SLIT3: variants seen among roughly 807,000 people sequenced by gnomAD.
SLIT3 encodes slit guidance ligand 3, also known as slit homolog 3 protein.
In SLIT3, 68 loss-of-function variants were observed where a neutral mutation model predicts 184.0. The ratio of observed to expected loss-of-function variants is 0.37; its 90% CI spans 0.30 to 0.45. The LOEUF is 0.45. Ranked by LOEUF, SLIT3 falls within the 20% of genes least tolerant of loss-of-function variation. SLIT3 has a pLI of 1.00. For missense variants in SLIT3, 1,707 were observed against 2,026.0 expected, an observed-to-expected ratio of 0.84 and a Z score of 3.02; for synonymous variants, 831 against 828.6, an observed-to-expected ratio of 1.00 and a Z score of -0.05.
At chr5:168,861,473 T>C (rs866439438) in intron 5 of SLIT3, among the ~76,000 whole-genome samples, 7 of 130,698 alleles carry the variant, frequency 5.4e-5, no homozygotes, top group African/African-American at 1.8e-4. Flanking sequence ...AGTAGAGGAA[T>C]TGCATGCTAG....
chr5:168,919,259 CAAAA>C (rs372846427), intron 4 of SLIT3, among the ~76,000 whole-genome samples: 1 of 87,766 alleles, frequency 1.1e-5, no homozygotes. Context: ...GACTCCATCT[CAAAA>C]AAAAAAAAAA....
At chr5:168,764,144 C>G (rs916861084) in intron 14 of SLIT3, among the ~76,000 whole-genome samples, 8 of 152,158 alleles carry the variant, frequency 5.3e-5, no homozygotes. Flanking sequence ...TGGAGAGCCT[C>G]AGGAGTGGTA....
At chr5:168,715,356 C>T (rs959392465) in intron 23 of SLIT3, among the ~76,000 whole-genome samples, 3 of 152,242 alleles carry the variant, frequency 2.0e-5, no homozygotes, top group African/African-American at 7.2e-5. Context: ...CTGTTTTCTA[C>T]TGGGGGTTAC....
chr5:168,808,238 T>C (rs1757043172), intron 8 of SLIT3, among the ~76,000 whole-genome samples: 1 of 152,132 alleles, frequency 6.6e-6, no homozygotes. Flanking sequence ...GTGGTGATGC[T>C]GGCCTTGTTC....
intron 14 of SLIT3, among the ~76,000 whole-genome samples, chr5:168,767,085 T>C (rs17634871): frequency 0.071 from 10,833 of 152,264 alleles, 506 homozygotes; most frequent in Non-Finnish European, 0.1. Flanking sequence ...AGTGGGACTT[T>C]AGATTTTGTG....
chr5:168,669,765 C>G lies in SLIT3; in HGVS notation c.4336+18G>C. On this transcript the variant is annotated intron_variant, in intron 35 of 35. Coordinates refer to ENST00000519560, the MANE Select transcript of SLIT3 (RefSeq NM_003062.4). ...TCTGACCCCCACTTCCTCCCTCCCACAGGCACAGTAGACCCACCTTGTTGG... is the reference window on the plus strand; with the variant it reads ...TCTGACCCCCACTTCCTCCCTCCCAGAGGCACAGTAGACCCACCTTGTTGG... 1 of 1,609,702 alleles carries G rather than the reference C, an allele frequency of 6.2e-7. No homozygotes were observed. The highest frequency in any genetic ancestry group is 8.5e-7 in the Non-Finnish European group (1 of 1,177,288).
chr5:168,671,078 C>G (rs2078155149), intron 34 of SLIT3, 120 bp downstream of exon 34: 5 of 1,126,940 alleles, frequency 4.4e-6, no homozygotes, highest in Non-Finnish European at 6.3e-6. Flanking sequence ...TTACACAGAT[C>G]CTATCTGCGG....
intron 33 of SLIT3, among the ~76,000 whole-genome samples, chr5:168,672,616 C>T (rs1448393409): frequency 6.6e-6 from 1 of 152,142 alleles, no homozygotes; most frequent in South Asian, 2.1e-4. Flanking sequence ...GCTGGGACTA[C>T]AGGTGCTCAC....
intron 12 of SLIT3, among the ~76,000 whole-genome samples, chr5:168,777,571 T>A (rs1581071436): frequency 6.6e-6 from 1 of 152,132 alleles, no homozygotes; most frequent in South Asian, 2.1e-4. Flanking sequence ...ACTTCAAATA[T>A]GTAAGGCATC....
chr5:168,662,359 G>C lies in SLIT3; in HGVS notation c.*4095C>G, dbSNP rs772051329. On this transcript the variant is annotated 3_prime_UTR_variant, in exon 36 of 36. Coordinates refer to ENST00000519560, the MANE Select transcript of SLIT3 (RefSeq NM_003062.4). ...CAGTGGGTGACTGCTTGACTTTAGGGTTCAGTCTGGCAATAGCTTTGTTTC... is the reference window on the plus strand; with the variant it reads ...CAGTGGGTGACTGCTTGACTTTAGGCTTCAGTCTGGCAATAGCTTTGTTTC... 1.3e-5 allele frequency: 2 copies of C among 152,214 alleles called. No homozygotes were observed. The highest frequency in any genetic ancestry group is 2.9e-5 in the Non-Finnish European group (2 of 68,064). The allele number at this position is 152,214 out of a possible 1,614,324, so 9.4% of individuals were successfully genotyped here.
At chr5:168,770,952 G>A (rs1432089388) in intron 14 of SLIT3, among the ~76,000 whole-genome samples, 2 of 151,464 alleles carry the variant, frequency 1.3e-5, no homozygotes, top group Non-Finnish European at 2.9e-5. Context: ...GTGTTCCTGG[G>A]GAGATACCAG....
intron 32 of SLIT3, 63 bp downstream of exon 32, chr5:168,683,903 A>G: frequency 9.5e-6 from 13 of 1,363,490 alleles, no homozygotes; most frequent in Non-Finnish European, 1.2e-5. Flanking sequence ...TCTGAGTTGC[A>G]GGCCCAGAGG....
chr5:168,910,406 G>A (rs1173631014), intron 4 of SLIT3, among the ~76,000 whole-genome samples: 3 of 151,818 alleles, frequency 2.0e-5, no homozygotes, highest in African/African-American at 4.8e-5. Flanking sequence ...TTACACACTC[G>A]CACACACACA....
chr5:169,208,519 A>ACCT (rs1287977096), intron 3 of SLIT3, among the ~76,000 whole-genome samples: 1 of 152,200 alleles, frequency 6.6e-6, no homozygotes, highest in Non-Finnish European at 1.5e-5. Context: ...GCATCATGCT[A>ACCT]CCTGACTTCA....
chr5:169,263,501 CAGA>C (rs1398090786), intron 1 of SLIT3: 2 of 398,864 alleles, frequency 5.0e-6, no homozygotes, highest in Non-Finnish European at 9.8e-6. Flanking sequence ...CTGCAGATTT[CAGA>C]AGGAGCCTGG....
intron 4 of SLIT3, among the ~76,000 whole-genome samples, chr5:169,161,025 C>T (rs1762460542): frequency 6.6e-6 from 1 of 152,214 alleles, no homozygotes; most frequent in South Asian, 2.1e-4. Context: ...CTATGTTGTT[C>T]CTTGGAATGA....
intron 4 of SLIT3, among the ~76,000 whole-genome samples, chr5:168,983,238 C>T (rs1755011105): frequency 6.6e-6 from 1 of 152,152 alleles, no homozygotes; most frequent in South Asian, 2.1e-4. Context: ...ACTTTCTATA[C>T]AATAAAATGC....
intron 1 of SLIT3, among the ~76,000 whole-genome samples, chr5:169,272,335 C>T (rs942310935): frequency 1.3e-5 from 2 of 152,262 alleles, no homozygotes; most frequent in African/African-American, 4.8e-5. Context: ...AGCAGCTGGG[C>T]ATGCAGTCCC....
chr5:168,773,645 C>A (rs1344910463), intron 13 of SLIT3, among the ~76,000 whole-genome samples: 1 of 151,960 alleles, frequency 6.6e-6, no homozygotes, highest in Non-Finnish European at 1.5e-5. Flanking sequence ...CTGGAGCCAT[C>A]AAAAAATGGG....
Sources: allele counts gnomAD v4.1 joint callset (sites outside exome capture counted in the v4.1 genomes callset), GRCh38; gene constraint gnomAD v4.1.1; transcripts MANE v1.5; gene names NCBI Gene and HGNC (gene_info 2026-07-23, HGNC 2026-07-21).